The following ERCC6L2 variants were observed in gnomAD, a reference collection of about 807,000 sequenced individuals.
The protein encoded by ERCC6L2 is DNA excision repair protein ERCC-6-like 2.
In ERCC6L2, 77 loss-of-function variants were observed where a neutral mutation model predicts 132.0. The ratio of observed to expected loss-of-function variants is 0.58; its 90% confidence interval spans 0.49 to 0.71. The LOEUF (loss-of-function observed/expected upper bound fraction) is 0.71. Among genes scored for constraint, ERCC6L2 ranks in the 30% least tolerant of loss-of-function variants. The probability of loss-of-function intolerance (pLI) is 0.00; values close to 1 mark genes in which losing one functional copy is unlikely to be tolerated. For synonymous variants in ERCC6L2, 583 were observed against 632.4 expected (o/e 0.92, Z 1.17); for missense variants, 1,542 against 1,837.6 (o/e 0.84, Z 2.94).
chr9:95,965,229 A>G (rs548140284), intron 13 of ERCC6L2, among the ~76,000 whole-genome samples: 1 of 152,342 alleles, frequency 6.6e-6, no homozygotes, highest in African/African-American at 2.4e-5. Flanking sequence ...ACCAAGGTTC[A>G]AATTCTAGGA....
intron 13 of ERCC6L2, among the ~76,000 whole-genome samples, chr9:95,964,601 A>G (rs774537362): frequency 6.6e-5 from 10 of 152,180 alleles, no homozygotes; most frequent in Non-Finnish European, 1.2e-4. Context: ...GGCCTTGAAG[A>G]TGGAAGAACG....
At chr9:95,908,620 T>C (rs958527383) in intron 4 of ERCC6L2, among the ~76,000 whole-genome samples, 1 of 152,160 alleles carries the variant, frequency 6.6e-6, no homozygotes, top group Non-Finnish European at 1.5e-5. Flanking sequence ...TTCATAGTTG[T>C]TCCAGCAGTA....
chr9:95,954,671 T>G, intron 12 of ERCC6L2: 1 of 412,990 alleles, frequency 2.4e-6, no homozygotes, highest in Non-Finnish European at 5.0e-6. Flanking sequence ...ACCAAACAAC[T>G]GGCTTAAGCA....
chr9:95,886,014 G>A (rs1466384543), intron 2 of ERCC6L2, among the ~76,000 whole-genome samples: 1 of 151,942 alleles, frequency 6.6e-6, no homozygotes, highest in Admixed American at 6.6e-5. Context: ...TTTTGTTGTT[G>A]TTCTCTTTTT....
chr9:95,919,221 T>C (rs1653206929), intron 6 of ERCC6L2, among the ~76,000 whole-genome samples: 1 of 152,152 alleles, frequency 6.6e-6, no homozygotes, highest in Non-Finnish European at 1.5e-5. Flanking sequence ...AAAAAAAAAT[T>C]AGCATTGTTT....
intron 2 of ERCC6L2, among the ~76,000 whole-genome samples, chr9:95,889,443 TAA>T (rs1828043688): frequency 6.6e-6 from 1 of 152,106 alleles, no homozygotes; most frequent in East Asian, 1.9e-4. Context: ...TGCCTAAAAT[TAA>T]AAAGAGTATA....
chr9:95,941,879 T>C (rs1830820708), intron 12 of ERCC6L2, among the ~76,000 whole-genome samples: 3 of 152,148 alleles, frequency 2.0e-5, no homozygotes, highest in African/African-American at 7.2e-5. Flanking sequence ...GTAGAATCTG[T>C]GATCAGGGTA....
intron 13 of ERCC6L2, among the ~76,000 whole-genome samples, chr9:95,956,606 C>T (rs1334957248): frequency 6.6e-6 from 1 of 152,096 alleles, no homozygotes; most frequent in Non-Finnish European, 1.5e-5. Context: ...GGAAACTTAC[C>T]ATCATGGTGG....
intron 4 of ERCC6L2, among the ~76,000 whole-genome samples, chr9:95,915,067 A>G (rs755958908): frequency 1.2e-4 from 19 of 152,182 alleles, no homozygotes; most frequent in Non-Finnish European, 2.5e-4. Context: ...TGGCGTCTCT[A>G]TTCTTTGGAC....
intron 13 of ERCC6L2, among the ~76,000 whole-genome samples, chr9:95,963,232 C>A (rs1214037737): frequency 1.3e-5 from 2 of 151,722 alleles, no homozygotes; most frequent in Non-Finnish European, 2.9e-5. Flanking sequence ...GCAGAAAGAA[C>A]CCCCAGTTAG....
chr9:95,984,662 CTGAACTT>C (rs1374351924), intron 17 of ERCC6L2, among the ~76,000 whole-genome samples: 1 of 152,060 alleles, frequency 6.6e-6, no homozygotes, highest in Non-Finnish European at 1.5e-5. Context: ...CTAATAAACT[CTGAACTT>C]TGAAATAGTA....
At chr9:96,033,317 C>T (rs1046052168) in intron 19 of ERCC6L2, among the ~76,000 whole-genome samples, 14 of 151,892 alleles carry the variant, frequency 9.2e-5, no homozygotes, top group African/African-American at 3.1e-4. Context: ...GTGGTCTCAG[C>T]TCACTGCAAC....
chr9:96,024,877 A>T (rs1232428609), intron 19 of ERCC6L2, among the ~76,000 whole-genome samples: 1 of 152,220 alleles, frequency 6.6e-6, no homozygotes, highest in Non-Finnish European at 1.5e-5. Flanking sequence ...TGCTTCAGTC[A>T]TTGACCTCAT....
intron 9 of ERCC6L2, among the ~76,000 whole-genome samples, chr9:95,926,091 A>T (rs1042753738): frequency 2.0e-5 from 3 of 152,190 alleles, no homozygotes; most frequent in African/African-American, 7.2e-5. Flanking sequence ...TCAAGCCCAA[A>T]TGTTGGTGAG....
intron 2 of ERCC6L2, among the ~76,000 whole-genome samples, chr9:95,884,015 A>G (rs1020323154): frequency 2.6e-5 from 4 of 152,244 alleles, no homozygotes; most frequent in Non-Finnish European, 5.9e-5. Flanking sequence ...CCCATGTTAC[A>G]AAGAAATTTA....
At chr9:95,922,269 T>C (rs757348870) in intron 7 of ERCC6L2, 36 bp from the exon 8 acceptor site, 2 of 1,105,158 alleles carry the variant, frequency 1.8e-6, no homozygotes, top group South Asian at 1.3e-5. Context: ...ATAGCTATGC[T>C]GGTCCTTTTT....
At chr9:95,903,944 CT>C (rs1192960082) in intron 3 of ERCC6L2, among the ~76,000 whole-genome samples, 14 of 151,864 alleles carry the variant, frequency 9.2e-5, no homozygotes, top group Admixed American at 9.2e-4. Flanking sequence ...AATGCCAAAA[CT>C]TGATATTCTG....
intron 9 of ERCC6L2, among the ~76,000 whole-genome samples, chr9:95,926,178 G>C (rs1274390064): frequency 1.3e-5 from 2 of 152,184 alleles, no homozygotes; most frequent in East Asian, 3.8e-4. Flanking sequence ...AGACAGTTCA[G>C]TGGTTTCTCA....
rs373929703 is a variant in ERCC6L2, at chr9:95,915,842, A to T, written c.950+13A>T. 1 of 1,573,736 alleles carries T rather than the reference A, an allele frequency of 6.4e-7. No individual in the cohort carries two copies. The highest frequency in any genetic ancestry group is 1.4e-5 in the African/African-American group (1 of 72,662). On this transcript the variant is annotated intron_variant, in intron 5 of 18. Transcript: ENST00000653738. ...GTGTTATGGACTGGTGAGAGAAAAC[A>T]CTTTTTAAAAAATTGTTTAATAGTT...
Sources: gnomAD v4.1 joint callset for allele counts (sites outside exome capture counted in the v4.1 genomes callset) on GRCh38, gnomAD v4.1.1 for gene constraint, MANE v1.5 for transcripts, NCBI Gene and HGNC (gene_info 2026-07-23, HGNC 2026-07-21) for gene names.